Variants in BCAT1 observed in about 807,000 individuals in gnomAD.
BCAT1 encodes the protein branched chain amino acid transaminase 1.
A neutral mutation model predicts 52.4 loss-of-function variants in BCAT1; 48 were observed. That is an observed-to-expected ratio of 0.92 (90% CI 0.73 to 1.16). The LOEUF is 1.16. Among genes scored for constraint, BCAT1 ranks in the 50% most tolerant of loss-of-function variants. BCAT1 has a pLI of 0.00. For synonymous variants in BCAT1, 167 were observed against 161.3 expected, an observed-to-expected ratio of 1.04 and a Z score of -0.27; for missense variants, 451 against 457.1, an observed-to-expected ratio of 0.99 and a Z score of 0.12.
rs181019433 is a variant in BCAT1 at position 24,824,312 on chromosome 12, G to A, written c.1119+5511C>T. 4.8e-4 allele frequency among the ~76,000 whole-genome samples: 53 copies of A among 110,650 alleles called. No homozygotes were observed. The Admixed American group carries it at 4.8e-3, about 10-fold the overall frequency. The allele number at this position is 110,650 out of a possible 152,430, so 72.6% of individuals were successfully genotyped here. ...CCTCCCTCCCTCCCTCCTTCCTTTC[G>A]AGACAGGGTCTCTTTCTACAGTGAA... On this transcript the variant is annotated intron_variant, in intron 10 of 10. Coordinates refer to ENST00000261192, the MANE Select transcript of BCAT1 (RefSeq NM_005504.7).
chr12:24,946,117 G>A (rs1565510270), intron 1 of BCAT1, among the ~76,000 whole-genome samples: 1 of 152,182 alleles, frequency 6.6e-6, no homozygotes, highest in Non-Finnish European at 1.5e-5. Context: ...CCCAAAAGAT[G>A]TAACTAATAC....
At chr12:24,923,453 C>A (rs551640069) in intron 1 of BCAT1, among the ~76,000 whole-genome samples, 2 of 152,288 alleles carry the variant, frequency 1.3e-5, no homozygotes, top group African/African-American at 4.8e-5. Flanking sequence ...GTCACCCAGG[C>A]TCCCAGGCTG....
intron 5 of BCAT1, among the ~76,000 whole-genome samples, chr12:24,870,243 T>C (rs942137116): frequency 3.9e-5 from 6 of 152,178 alleles, no homozygotes; most frequent in Non-Finnish European, 5.9e-5. Context: ...ACTTGAGACT[T>C]AATTGGCTGT....
intron 6 of BCAT1, among the ~76,000 whole-genome samples, chr12:24,844,427 G>A (rs767392603): frequency 4.6e-5 from 7 of 151,492 alleles, no homozygotes; most frequent in African/African-American, 9.7e-5. Context: ...GCAAAATTCC[G>A]TCTCAAAAAA....
chr12:24,881,462 C>A (rs1483736150), intron 3 of BCAT1, 51 bp from the exon 4 acceptor site: 1 of 1,254,254 alleles, frequency 8.0e-7, no homozygotes, highest in East Asian at 2.3e-5. Flanking sequence ...GAAAACAACC[C>A]GTGTTCAAGA....
chr12:24,902,939 C>T (rs1173521561), intron 1 of BCAT1: 1 of 1,509,262 alleles, frequency 6.6e-7, no homozygotes, highest in South Asian at 1.2e-5. Flanking sequence ...CGCCCGGGTT[C>T]GAGGTACCTG....
chr12:24,850,523 C>G (rs1257708320), intron 5 of BCAT1, among the ~76,000 whole-genome samples: 1 of 152,156 alleles, frequency 6.6e-6, no homozygotes, highest in Non-Finnish European at 1.5e-5. Context: ...TCAAGTTTAG[C>G]CTACAGCTGC....
In BCAT1 at chr12:24,815,136, G is replaced by A. The variant is rs1296256955; in HGVS notation, c.*2872C>T. On this transcript the variant is annotated 3_prime_UTR_variant, in exon 11 of 11. Transcript: ENST00000261192. ...TAGGAACTGCTCAGGTTTTGCCTTT[G>A]TCTTGACACTTCATTTTAAAATCTT... 2.0e-5 allele frequency: 3 copies of A among 152,038 alleles called. No homozygotes were observed. Among genetic ancestry groups the A allele is most frequent in the Non-Finnish European group, 2.9e-5 (2 of 67,998 alleles). The allele number at this position is 152,038 out of a possible 1,614,324, so 9.4% of individuals were successfully genotyped here.
intron 1 of BCAT1, among the ~76,000 whole-genome samples, chr12:24,914,789 G>T (rs549525380): frequency 2.0e-5 from 3 of 152,170 alleles, no homozygotes; most frequent in Non-Finnish European, 4.4e-5. Context: ...TCTAGCTAAA[G>T]CCTGCAGGGC....
chr12:24,876,122 A>G lies in BCAT1; in HGVS notation c.510+2408T>C, dbSNP rs554426017. On this transcript the variant is annotated intron_variant, in intron 5 of 10. Coordinates refer to ENST00000261192, the MANE Select transcript of BCAT1 (RefSeq NM_005504.7). ...ACTAAAAGCAAAAAAACAGAATGGT[A>G]TGTGTACTCAAAGTAAGTTTCTACT... Among the ~76,000 whole-genome samples the G allele has an allele frequency of 3.3e-5, 5 of 152,244 alleles. No individual in the cohort carries two copies. In the East Asian group the frequency reaches 9.6e-4, roughly 29 times the overall value.
In BCAT1 at chr12:24,829,888, T is replaced by A. The variant is rs1423385301; in HGVS notation, c.1054A>T (p.Ile352Phe). 1.2e-6 allele frequency: 2 copies of A among 1,609,118 alleles called. No homozygotes were observed. Among genetic ancestry groups the A allele is most frequent in the East Asian group, 4.5e-5 (2 of 44,816 alleles). ...TTAGGACCATTCTCCATAGTTGGAA[T>A]GTGTATTGTCTACAAAAGAAAGGGA... ...DILYKGETIH[I>F]PTMENGPKLA... The change falls in exon 10 of 11, where the codon ATT becomes TTT. Residue 352 changes from isoleucine to phenylalanine, a missense_variant. Transcript: ENST00000261192.
chr12:24,930,799 CA>C (rs1943664609), intron 1 of BCAT1, among the ~76,000 whole-genome samples: 2 of 151,646 alleles, frequency 1.3e-5, no homozygotes, highest in African/African-American at 4.8e-5. Context: ...TTAGTTTAGT[CA>C]TCCTTTAGAA....
At chr12:24,853,954 T>C (rs1307954054) in intron 5 of BCAT1, among the ~76,000 whole-genome samples, 3 of 152,170 alleles carry the variant, frequency 2.0e-5, no homozygotes, top group African/African-American at 7.2e-5. Flanking sequence ...AGAGACCACA[T>C]TGACTTTGAA....
chr12:24,893,845 T>C (rs4143212), intron 3 of BCAT1, among the ~76,000 whole-genome samples: 14,620 of 152,248 alleles, frequency 0.096, 791 homozygotes, highest in East Asian at 0.19. Context: ...TAATTACATG[T>C]CCCTTAACAT....
chr12:24,855,165 T>C (rs1248943387), intron 5 of BCAT1, among the ~76,000 whole-genome samples: 5 of 152,176 alleles, frequency 3.3e-5, no homozygotes, highest in Non-Finnish European at 7.4e-5. Context: ...AAACTAAAGA[T>C]AACATCTTAA....
At chr12:24,842,354 A>G (rs975748750) in intron 6 of BCAT1, 130 bp from the exon 7 acceptor site, 5 of 996,538 alleles carry the variant, frequency 5.0e-6, no homozygotes, top group Non-Finnish European at 7.3e-6. Context: ...CTTAATATAT[A>G]TACACTCTCT....
rs796259272 is a variant in BCAT1 at position 24,814,802 on chromosome 12, G to GTTT, written c.*3203_*3205dup. ...CTACTGCCTGCCTCTGCCTCTGTTTGTTTTTTTTTTTTTTTTTTGTCTTAC... is the reference window on the plus strand; with the variant it reads ...CTACTGCCTGCCTCTGCCTCTGTTTGTTTTTTTTTTTTTTTTTTTTTGTCTTAC... On this transcript the variant is annotated 3_prime_UTR_variant, in exon 11 of 11. Transcript: ENST00000261192. 2 of 56,846 alleles carry GTTT rather than the reference G, an allele frequency of 3.5e-5. No homozygotes were observed. The highest frequency in any genetic ancestry group is 7.8e-5 in the Non-Finnish European group (2 of 25,592). 3.5% of individuals were successfully genotyped at this position (56,846 alleles called of 1,614,324 possible). A position where few individuals can be genotyped will look rare whatever the true frequency, so the allele number is the denominator to read the frequency against.
In BCAT1 at chr12:24,878,496, G is replaced by C. The variant is rs530959241; in HGVS notation, c.510+34C>G. On this transcript the variant is annotated intron_variant, in intron 5 of 10. Transcript: ENST00000261192. ...ACAATAAACAATAATAACTTGCCCA[G>C]CAAAGTACCCCAAAATAAAGAGTCA... 5 of 1,586,600 alleles carry C rather than the reference G, an allele frequency of 3.2e-6. No homozygotes were observed. In the South Asian group the frequency reaches 5.8e-5, roughly 18 times the overall value.
intron 1 of BCAT1, among the ~76,000 whole-genome samples, chr12:24,943,706 C>T (rs1352848487): frequency 2.6e-5 from 4 of 152,024 alleles, no homozygotes; most frequent in Non-Finnish European, 4.4e-5. Flanking sequence ...AGTTTGAGGC[C>T]GGGAGCGGTG....
Sources: gnomAD v4.1 joint callset for allele counts (sites outside exome capture counted in the v4.1 genomes callset) on GRCh38, gnomAD v4.1.1 for gene constraint, MANE v1.5 for transcripts, NCBI Gene and HGNC (gene_info 2026-07-23, HGNC 2026-07-21) for gene names.